FEZ1: variants seen among roughly 807,000 people sequenced by gnomAD.
FEZ1 encodes fasciculation and elongation protein zeta-1.
Under a neutral mutation model 49.3 loss-of-function variants are expected in FEZ1, and 20 were observed. The observed-to-expected ratio is 0.41, with a 90% CI of 0.29 to 0.59. The LOEUF (loss-of-function observed/expected upper bound fraction) is 0.59, where lower values mean the gene tolerates loss of function less well. Among genes scored for constraint, FEZ1 ranks in the 20% least tolerant of loss-of-function variants. FEZ1 has a pLI of 0.36. For missense variants in FEZ1, 413 were observed against 476.0 expected (o/e 0.87, Z 1.23); for synonymous variants, 170 against 180.9 (o/e 0.94, Z 0.48).
intron 3 of FEZ1, among the ~76,000 whole-genome samples, chr11:125,475,470 C>T (rs529337518): frequency 2.0e-5 from 3 of 152,058 alleles, no homozygotes; most frequent in Non-Finnish European, 4.4e-5. Flanking sequence ...GGGACAATTA[C>T]AGCTCTCAAA....
rs186134552 is a variant in FEZ1, at chr11:125,488,413, A to G, written c.311+1054T>C. Among the ~76,000 whole-genome samples, 84 of 152,202 alleles carry G rather than the reference A, an allele frequency of 5.5e-4. 3 individuals are homozygous for G. In the South Asian group the frequency reaches 6.4e-3, roughly 12 times the overall value. On this transcript the variant is annotated intron_variant, in intron 2 of 9. Transcript: ENST00000278919. ...CCCCCACCATGGGCCAGGTGTGGTG[A>G]CTCACGCCTGTAATCCCAGCACTTT... is the stretch of plus-strand genomic sequence containing the variant.
At chr11:125,452,236 C>T (rs1297076894) in intron 8 of FEZ1, 98 bp downstream of exon 8, 2 of 821,630 alleles carry the variant, frequency 2.4e-6, no homozygotes, top group African/African-American at 3.4e-5. Context: ...TGTAAACCTG[C>T]TTTGAGGAGT....
At chr11:125,487,222 G>T (rs988009680) in intron 2 of FEZ1, among the ~76,000 whole-genome samples, 13 of 152,100 alleles carry the variant, frequency 8.5e-5, no homozygotes, top group African/African-American at 2.4e-4. Context: ...ATGATTTGTT[G>T]GAAGCAAAAG....
intron 3 of FEZ1, among the ~76,000 whole-genome samples, chr11:125,470,374 G>T (rs1254492561): frequency 6.6e-6 from 1 of 152,214 alleles, no homozygotes; most frequent in Non-Finnish European, 1.5e-5. Context: ...GGCTGAGAAA[G>T]TTCCCTGGAG....
At chr11:125,487,719 G>A (rs1382390156) in intron 2 of FEZ1, among the ~76,000 whole-genome samples, 1 of 152,188 alleles carries the variant, frequency 6.6e-6, no homozygotes, top group African/African-American at 2.4e-5. Context: ...TATATTACAT[G>A]TACATACAAG....
intron 3 of FEZ1, among the ~76,000 whole-genome samples, chr11:125,470,273 T>A (rs570911714): frequency 2.0e-4 from 31 of 152,226 alleles, no homozygotes; most frequent in African/African-American, 4.3e-4. Flanking sequence ...CAGAAAAAAA[T>A]TTTAAAAACA....
At chr11:125,482,579 T>C (rs1265061883) in intron 2 of FEZ1, among the ~76,000 whole-genome samples, 1 of 152,082 alleles carries the variant, frequency 6.6e-6, no homozygotes, top group Non-Finnish European at 1.5e-5. Flanking sequence ...ATCAGGAAGA[T>C]ACATAAATTA....
intron 8 of FEZ1, chr11:125,451,444 C>T (rs1379630298): frequency 6.6e-6 from 1 of 152,214 alleles, no homozygotes; most frequent in African/African-American, 2.4e-5. Context: ...TATCCATCCT[C>T]CTCAGCTGAA....
At chr11:125,469,653 T>G (rs1378780387) in intron 3 of FEZ1, among the ~76,000 whole-genome samples, 2 of 151,688 alleles carry the variant, frequency 1.3e-5, no homozygotes, top group African/African-American at 2.4e-5. Flanking sequence ...AGCCTCAAAC[T>G]CCTAAGCTCA....
At position 125,443,759 on chromosome 11, in the gene FEZ1, A is replaced by G. The variant is rs1018236071; in HGVS notation, c.*2336T>C. 2.0e-5 allele frequency among the ~76,000 whole-genome samples: 3 copies of G among 149,814 alleles called. No homozygotes were observed. The highest frequency in any genetic ancestry group is 7.6e-5 in the African/African-American group (3 of 39,278). On this transcript the variant is annotated 3_prime_UTR_variant, in exon 10 of 10. Coordinates refer to ENST00000278919, the MANE Select transcript of FEZ1 (RefSeq NM_005103.5). ...TTAAACTCCTGATAGACGGACAAACAAGAGAGAAAGGAGGAGCCACTGTTT... is the reference window on the plus strand; with the variant it reads ...TTAAACTCCTGATAGACGGACAAACGAGAGAGAAAGGAGGAGCCACTGTTT...
In FEZ1 at chr11:125,476,842, C is replaced by T. The variant is rs143036201; in HGVS notation, c.411+4692G>A. Among the ~76,000 whole-genome samples, 11 of 152,218 alleles carry T rather than the reference C, an allele frequency of 7.2e-5. No homozygotes were observed. In the East Asian group the frequency reaches 2.1e-3, roughly 29 times the overall value. ...TCTGTACTCCTTTCTCAAAAATATG[C>T]TGAATAGTTTGGTTTGTTGTTGGTT... On this transcript the variant is annotated intron_variant, in intron 3 of 9. Transcript: ENST00000278919.
intron 8 of FEZ1, among the ~76,000 whole-genome samples, chr11:125,449,260 G>T (rs1203332898): frequency 6.7e-6 from 1 of 148,456 alleles, no homozygotes; most frequent in Non-Finnish European, 1.5e-5. Context: ...TGCCCAGGCT[G>T]GTCTTGAACT....
In FEZ1 at chr11:125,473,104, C is replaced by T. The variant is rs535507093; in HGVS notation, c.411+8430G>A. On this transcript the variant is annotated intron_variant, in intron 3 of 9. Transcript: ENST00000278919. ...TTATATTACTTTATTTCAAGACTTA[C>T]CATAAAGCTACAGCAATCAATACAG... Among the ~76,000 whole-genome samples, 4 of 151,976 alleles carry T rather than the reference C, an allele frequency of 2.6e-5. No homozygotes were observed. In the South Asian group the frequency reaches 8.3e-4, roughly 32 times the overall value.
At chr11:125,446,222 A>G in intron 9 of FEZ1, 111 bp from the exon 10 acceptor site, 3 of 956,064 alleles carry the variant, frequency 3.1e-6, no homozygotes, top group Non-Finnish European at 5.1e-6. Flanking sequence ...CTGAGTGGTG[A>G]CAGCCCCCAC....
intron 3 of FEZ1, among the ~76,000 whole-genome samples, chr11:125,470,964 T>C (rs1957177917): frequency 6.6e-6 from 1 of 152,150 alleles, no homozygotes; most frequent in Admixed American, 6.5e-5. Context: ...ATGGAAGGAA[T>C]AGACTTTATA....
intron 3 of FEZ1, among the ~76,000 whole-genome samples, chr11:125,481,047 A>T (rs11607761): frequency 1.1e-5 from 1 of 91,186 alleles, no homozygotes; most frequent in Admixed American, 9.4e-5. Flanking sequence ...TCAAAAAAAG[A>T]AAAAAAAAAA....
At chr11:125,492,483 C>T (rs1326325859) in intron 1 of FEZ1, among the ~76,000 whole-genome samples, 1 of 152,074 alleles carries the variant, frequency 6.6e-6, no homozygotes, top group Non-Finnish European at 1.5e-5. Context: ...AATCCCTGAG[C>T]AACAAAAAAG....
In FEZ1 at chr11:125,489,810, A is replaced by G; in HGVS notation, c.-33T>C. 6.6e-7 allele frequency: 1 copy of G among 1,516,552 alleles called. No individual in the cohort carries two copies. Among genetic ancestry groups the G allele is most frequent in the Non-Finnish European group, 8.8e-7 (1 of 1,134,376 alleles). The allele number at this position is 1,516,552 out of a possible 1,614,324, so 93.9% of individuals were successfully genotyped here. A position where few individuals can be genotyped will look rare whatever the true frequency, so the allele number is the denominator to read the frequency against. Reference sequence around the variant, plus strand: ...CAGCAGGAGAACAACAGCGACTTTCAGGATGAGTTTATCTAAAAGAAATGA... The same window carrying G: ...CAGCAGGAGAACAACAGCGACTTTCGGGATGAGTTTATCTAAAAGAAATGA... On this transcript the variant is annotated 5_prime_UTR_variant, in exon 2 of 10. Coordinates refer to ENST00000278919, the MANE Select transcript of FEZ1 (RefSeq NM_005103.5). The surrounding 1 kb of genome is among the most constrained non-coding windows in gnomAD (Gnocchi z 4.2).
chr11:125,449,363 T>G (rs1456073007), intron 8 of FEZ1, among the ~76,000 whole-genome samples: 4 of 110,040 alleles, frequency 3.6e-5, no homozygotes, highest in Non-Finnish European at 6.9e-5. Context: ...TGAGACTCTG[T>G]CTCAAAAACA....
Sources: allele counts gnomAD v4.1 joint callset (sites outside exome capture counted in the v4.1 genomes callset), GRCh38; gene constraint gnomAD v4.1.1; non-coding constraint Gnocchi (gnomAD v3.1); transcripts MANE v1.5; gene names NCBI Gene and HGNC (gene_info 2026-07-23, HGNC 2026-07-21).